Variants in SH3PXD2B observed in about 807,000 individuals in gnomAD.
SH3PXD2B encodes SH3 and PX domain-containing protein 2B.
In SH3PXD2B, 37 loss-of-function variants were observed where a neutral mutation model predicts 73.1. That is an observed-to-expected ratio of 0.51 (90% CI 0.39 to 0.67). SH3PXD2B has a LOEUF of 0.67. Among genes scored for constraint, SH3PXD2B ranks in the 30% least tolerant of loss-of-function variants. The pLI, the probability that SH3PXD2B is intolerant of heterozygous loss-of-function variation, is 0.00. For missense variants in SH3PXD2B, 1,053 were observed against 1,197.8 expected, an observed-to-expected ratio of 0.88 and a Z score of 1.78; for synonymous variants, 457 against 480.5, an observed-to-expected ratio of 0.95 and a Z score of 0.64.
chr5:172,339,518 G>A lies in SH3PXD2B; in HGVS notation c.1587C>T (p.Ile529=), dbSNP rs754509580. ...KPSLPPRKES[I]IKSEGELLER... is the part of the protein sequence containing the mutation. ...CCAGCAGCTCCCCCTCCGACTTGAT[G>A]ATGGATTCTTTCCGCGGAGGGAGGC... Residue 529 remains isoleucine (I), a synonymous_variant, in exon 13 of 13, where the codon ATC becomes ATT. Coordinates refer to ENST00000311601, the MANE Select transcript of SH3PXD2B (RefSeq NM_001017995.3). This position sits in a 1 kb window ranked among gnomAD's most constrained non-coding sequence, Gnocchi z 6.1. The A allele has an allele frequency of 1.2e-5, 20 of 1,614,114 alleles. No individual in the cohort carries two copies. The highest frequency in any genetic ancestry group is 3.3e-4 in the Middle Eastern group (2 of 6,062).
chr5:172,386,398 G>C (rs1358007045), intron 4 of SH3PXD2B, among the ~76,000 whole-genome samples: 1 of 152,150 alleles, frequency 6.6e-6, no homozygotes, highest in Non-Finnish European at 1.5e-5. Context: ...ATCTTGGCTA[G>C]GGAGAAGGTT....
chr5:172,402,704 C>G (rs1248967012), intron 3 of SH3PXD2B, among the ~76,000 whole-genome samples: 1 of 152,194 alleles, frequency 6.6e-6, no homozygotes, highest in African/African-American at 2.4e-5. Context: ...AGGCATTTAC[C>G]TCCCGGAGCC....
Position 172,338,238 on chromosome 5 carries a change from C to G in SH3PXD2B, c.*131G>C. ...AAACTCACTCTCCACCCATGGGAGG[C>G]AAGAAGTCACAGTACCCCAGAGTCT... On this transcript the variant is annotated 3_prime_UTR_variant, in exon 13 of 13. Transcript: ENST00000311601. This position sits in a 1 kb window ranked among gnomAD's most constrained non-coding sequence, Gnocchi z 5.1. The G allele has an allele frequency of 6.4e-7, 1 of 1,563,158 alleles. No individual in the cohort carries two copies. The highest frequency in any genetic ancestry group is 8.7e-7 in the Non-Finnish European group (1 of 1,155,906).
rs894754659 is a variant in SH3PXD2B at position 172,334,784 on chromosome 5, G to A, written c.*3585C>T. 2.0e-6 allele frequency: 2 copies of A among 985,288 alleles called. No homozygotes were observed. Among genetic ancestry groups the A allele is most frequent in the African/African-American group, 1.7e-5 (1 of 57,224 alleles). The allele number at this position is 985,288 out of a possible 1,614,324, so 61.0% of individuals were successfully genotyped here. A position where few individuals can be genotyped will look rare whatever the true frequency, so the allele number is the denominator to read the frequency against. On this transcript the variant is annotated 3_prime_UTR_variant, in exon 13 of 13. Coordinates refer to ENST00000311601, the MANE Select transcript of SH3PXD2B (RefSeq NM_001017995.3). ...CCAGACTGTCCACTCCTCAGCCTAA[G>A]GTCCTTCTCAAGTCCTGGCACACTC...
chr5:172,429,061 C>T (rs915008177), intron 1 of SH3PXD2B, among the ~76,000 whole-genome samples: 4 of 152,338 alleles, frequency 2.6e-5, no homozygotes, highest in East Asian at 3.9e-4. Flanking sequence ...AAGTTTCACG[C>T]GAGCAAGGAC....
chr5:172,379,810 G>A (rs1757902453), intron 5 of SH3PXD2B, among the ~76,000 whole-genome samples: 2 of 152,148 alleles, frequency 1.3e-5, no homozygotes, highest in Admixed American at 6.5e-5. Flanking sequence ...GAGGCCCATG[G>A]CCACAAAGCC....
At chr5:172,332,220 T>C (rs1369775152), downstream of SH3PXD2B, among the ~76,000 whole-genome samples, 1 of 151,540 alleles carries the variant, frequency 6.6e-6, no homozygotes, top group East Asian at 1.9e-4. Flanking sequence ...AACCTGCTCC[T>C]ATGGGGGCCC....
chr5:172,339,355 T>G lies in SH3PXD2B; in HGVS notation c.1750A>C (p.Lys584Gln). ...DSRRPEPKPD[K>Q]SRLFQLKNDM... is the part of the protein sequence containing the mutation. The stretch of plus-strand genomic sequence containing the variant: ...TTTTTCAGCTGGAACAGTCTGCTTT[T>G]GTCAGGTTTGGGCTCTGGCCTCCTG... Residue 584 changes from lysine (K) to glutamine (Q), a missense_variant, in exon 13 of 13, where the codon AAA becomes CAA. By Grantham distance (53) the Lys-to-Gln change is moderately conservative (BLOSUM62 1). Transcript: ENST00000311601. This position sits in a 1 kb window ranked among gnomAD's most constrained non-coding sequence, Gnocchi z 6.1. The G allele has an allele frequency of 6.2e-7, 1 of 1,614,208 alleles. No homozygotes were observed. The highest frequency in any genetic ancestry group is 8.5e-7 in the Non-Finnish European group (1 of 1,180,034).
intron 1 of SH3PXD2B, among the ~76,000 whole-genome samples, chr5:172,437,493 A>G (rs2569219): frequency 0.4 from 60,610 of 151,942 alleles, 12,658 homozygotes; most frequent in Non-Finnish European, 0.48. Flanking sequence ...AGTGGGTGAC[A>G]TGAGATCCAA....
intron 10 of SH3PXD2B, among the ~76,000 whole-genome samples, chr5:172,348,069 A>G (rs1388480108): frequency 6.6e-6 from 1 of 152,204 alleles, no homozygotes; most frequent in Non-Finnish European, 1.5e-5. Flanking sequence ...GGTGCGGAGG[A>G]GACTGCTAAT....
chr5:172,346,321 CA>C (rs559639622), intron 11 of SH3PXD2B, 60 bp from the exon 12 acceptor site: 69 of 1,610,050 alleles, frequency 4.3e-5, no homozygotes, highest in Admixed American at 1.0e-4. Flanking sequence ...GACCCTGTGT[CA>C]GGGGGAGTCT....
At position 172,334,137 on chromosome 5, in the gene SH3PXD2B, C is replaced by T. The variant is rs563419428; in HGVS notation, c.*4232G>A. The T allele has an allele frequency of 4.9e-5, 55 of 1,115,350 alleles. No individual in the cohort carries two copies. In the Admixed American group the frequency reaches 1.1e-3, roughly 21 times the overall value. 69.1% of individuals were successfully genotyped at this position (1,115,350 alleles called of 1,614,324 possible). On this transcript the variant is annotated 3_prime_UTR_variant, in exon 13 of 13. Coordinates refer to ENST00000311601, the MANE Select transcript of SH3PXD2B (RefSeq NM_001017995.3). ...CTTACTTTGGAGTCGAGGATAGAAA[C>T]GGGAAGATGGAATGTTGAAACATGA...
intron 3 of SH3PXD2B, among the ~76,000 whole-genome samples, chr5:172,402,460 G>C (rs991048349): frequency 6.6e-6 from 1 of 152,006 alleles, no homozygotes; most frequent in African/African-American, 2.4e-5. Context: ...CACCCTATTC[G>C]TACACTCCCT....
intron 2 of SH3PXD2B, among the ~76,000 whole-genome samples, chr5:172,416,698 T>C (rs10476028): frequency 3.7e-3 from 23 of 6,184 alleles, no homozygotes; most frequent in African/African-American, 0.013. Flanking sequence ...CTCTCTCTCT[T>C]TTTTTTTTTT....
At chr5:172,416,049 C>T (rs776648744) in intron 2 of SH3PXD2B, among the ~76,000 whole-genome samples, 12 of 152,248 alleles carry the variant, frequency 7.9e-5, no homozygotes, top group Admixed American at 5.2e-4. Context: ...AACTTCCAGC[C>T]GGGCGCGGTG....
intron 1 of SH3PXD2B, among the ~76,000 whole-genome samples, chr5:172,437,870 T>C (rs7724238): frequency 0.37 from 56,916 of 151,894 alleles, 12,607 homozygotes; most frequent in East Asian, 0.68. Context: ...GTGTGCCAAA[T>C]GGGGAAATGG....
chr5:172,408,945 G>A (rs1758627638), intron 2 of SH3PXD2B, among the ~76,000 whole-genome samples: 1 of 152,104 alleles, frequency 6.6e-6, no homozygotes, highest in Non-Finnish European at 1.5e-5. Flanking sequence ...ATAATATGTA[G>A]TGATCAGATC....
At chr5:172,345,547 C>A (rs530328756) in intron 12 of SH3PXD2B, among the ~76,000 whole-genome samples, 1 of 152,324 alleles carries the variant, frequency 6.6e-6, no homozygotes, top group South Asian at 2.1e-4. Context: ...GGTTTCCAAA[C>A]CCTGGCCCTA....
At position 172,339,329 on chromosome 5, in the gene SH3PXD2B, A is replaced by AT; in HGVS notation, c.1775dup (p.Asn592LysfsTer2). ...TGTGGCCACACTCCAGCCCCATGTCATTTTTCAGCTGGAACAGTCTGCTTT... is the reference window on the plus strand; with the variant it reads ...TGTGGCCACACTCCAGCCCCATGTCATTTTTTCAGCTGGAACAGTCTGCTTT... On this transcript the variant is annotated frameshift_variant, in exon 13 of 13. Coordinates refer to ENST00000311601, the MANE Select transcript of SH3PXD2B (RefSeq NM_001017995.3). LOFTEE classifies it high-confidence loss of function. This position sits in a 1 kb window ranked among gnomAD's most constrained non-coding sequence, Gnocchi z 6.1. 1 of 1,613,886 alleles carries AT rather than the reference A, an allele frequency of 6.2e-7. No homozygotes were observed. Among genetic ancestry groups the AT allele is most frequent in the Non-Finnish European group, 8.5e-7 (1 of 1,179,998 alleles).
Sources: gnomAD v4.1 joint callset for allele counts (sites outside exome capture counted in the v4.1 genomes callset) on GRCh38, gnomAD v4.1.1 for gene constraint, Gnocchi (gnomAD v3.1) non-coding constraint, MANE v1.5 for transcripts, NCBI Gene and HGNC (gene_info 2026-07-23, HGNC 2026-07-21) for gene names.